The following ERCC6L2 variants were observed in gnomAD, a reference collection of about 807,000 sequenced individuals.
The protein encoded by ERCC6L2 is DNA excision repair protein ERCC-6-like 2.
In ERCC6L2, 77 loss-of-function variants were observed where a neutral mutation model predicts 132.0. The observed-to-expected ratio is 0.58, with a 90% confidence interval of 0.49 to 0.71. ERCC6L2 has a LOEUF of 0.71. Among genes scored for constraint, ERCC6L2 ranks in the 30% least tolerant of loss-of-function variants. ERCC6L2 has a pLI of 0.00. For synonymous variants in ERCC6L2, 583 were observed against 632.4 expected (o/e 0.92, Z 1.17); for missense variants, 1,542 against 1,837.6 (o/e 0.84, Z 2.94).
At chr9:95,946,356 G>A (rs1433482668) in intron 12 of ERCC6L2, among the ~76,000 whole-genome samples, 9 of 152,090 alleles carry the variant, frequency 5.9e-5, no homozygotes, top group African/African-American at 7.2e-5. Context: ...GTGAAACCCC[G>A]TCTCTAGTAA....
At chr9:95,894,273 A>T (rs1467664508) in intron 2 of ERCC6L2, among the ~76,000 whole-genome samples, 1 of 152,218 alleles carries the variant, frequency 6.6e-6, no homozygotes, top group Admixed American at 6.5e-5. Context: ...ATACCATTGT[A>T]AATTGAAAAA....
chr9:96,027,125 CCACACACAA>C (rs1834387386), intron 19 of ERCC6L2, among the ~76,000 whole-genome samples: 2 of 149,662 alleles, frequency 1.3e-5, no homozygotes, highest in African/African-American at 2.5e-5. Flanking sequence ...ACCACACACA[CCACACACAA>C]CACACTACAC....
intron 12 of ERCC6L2, among the ~76,000 whole-genome samples, chr9:95,941,878 GT>G (rs1219936195): frequency 3.9e-5 from 6 of 152,180 alleles, no homozygotes; most frequent in South Asian, 2.1e-4. Context: ...AGTAGAATCT[GT>G]GATCAGGGTA....
intron 12 of ERCC6L2, among the ~76,000 whole-genome samples, chr9:95,951,315 TAAGAGGGA>T (rs1831322485): frequency 6.6e-6 from 1 of 152,094 alleles, no homozygotes; most frequent in South Asian, 2.1e-4. Flanking sequence ...AAAGTAATGC[TAAGAGGGA>T]AATTTATAGC....
intron 19 of ERCC6L2, among the ~76,000 whole-genome samples, chr9:96,033,952 A>G (rs898689530): frequency 6.6e-6 from 1 of 152,222 alleles, no homozygotes; most frequent in African/African-American, 2.4e-5. Flanking sequence ...CTGCAAAAGA[A>G]GGGCCCGTTG....
Position 95,982,704 on chromosome 9 carries a change from AAT to A in ERCC6L2, c.3492+4492_3492+4493del, listed in dbSNP as rs1478435659. ...ATTTTAGTAGAAATCAAGATTTTAAAATATGTGTATATATATATATGAAATTA... is the reference window on the plus strand; with the variant it reads ...ATTTTAGTAGAAATCAAGATTTTAAAATGTGTATATATATATATGAAATTA... On this transcript the variant is annotated intron_variant, in intron 17 of 18. Coordinates refer to ENST00000653738, the MANE Select transcript of ERCC6L2 (RefSeq NM_020207.7). 4.7e-5 allele frequency among the ~76,000 whole-genome samples: 7 copies of A among 149,604 alleles called. No individual in the cohort carries two copies. In the Admixed American group the frequency reaches 4.7e-4, roughly 10 times the overall value.
intron 9 of ERCC6L2, among the ~76,000 whole-genome samples, chr9:95,925,353 G>C (rs963868425): frequency 6.6e-6 from 1 of 152,164 alleles, no homozygotes; most frequent in Non-Finnish European, 1.5e-5. Context: ...ATCCAGCTTG[G>C]TGCTGCTGAA....
intron 16 of ERCC6L2, among the ~76,000 whole-genome samples, chr9:95,974,132 A>G (rs1000250236): frequency 1.2e-4 from 19 of 152,074 alleles, no homozygotes; most frequent in African/African-American, 4.1e-4. Context: ...TAATACCTAT[A>G]CTTATTTATT....
At chr9:95,946,692 A>G (rs1255206545) in intron 12 of ERCC6L2, among the ~76,000 whole-genome samples, 1 of 152,166 alleles carries the variant, frequency 6.6e-6, no homozygotes, top group Non-Finnish European at 1.5e-5. Flanking sequence ...CCTTGTTTAC[A>G]AATTGAAGGT....
intron 12 of ERCC6L2, 133 bp downstream of exon 12, chr9:95,941,682 A>T (rs942657622): frequency 1.5e-6 from 1 of 660,864 alleles, no homozygotes. Context: ...TACATTTAAT[A>T]TAATCCTGAC....
At chr9:95,992,218 C>T (rs1312226073) in intron 17 of ERCC6L2, among the ~76,000 whole-genome samples, 2 of 152,086 alleles carry the variant, frequency 1.3e-5, no homozygotes, top group Admixed American at 6.5e-5. Context: ...TTAAAAAGTT[C>T]CTTATGTTAA....
chr9:95,922,408 C>T lies in ERCC6L2; in HGVS notation c.1403C>T (p.Ser468Phe). 6.3e-7 allele frequency: 1 copy of T among 1,599,966 alleles called. No homozygotes were observed. The highest frequency in any genetic ancestry group is 8.6e-7 in the Non-Finnish European group (1 of 1,167,900). The change falls in exon 8 of 19, where the codon TCC (serine) becomes TTC (phenylalanine). Residue 468 changes from serine (S) to phenylalanine (F), a missense_variant. Physicochemically the swap from Ser to Phe is radical, Grantham distance 155. Around this residue, in one of 4 missense-constraint regions of ERCC6L2, gnomAD observed 945 missense variants for 1,105.2 expected, o/e 0.86. Transcript: ENST00000653738. ...GCGCTACTGCAAGCTGCTAGTACTT[C>T]CAAACAACAGGTTTGGTTAGCATTT... ...HVALLQAAST[S>F]KQQETLIKRI...
chr9:95,930,599 C>G (rs1163528564), intron 11 of ERCC6L2, among the ~76,000 whole-genome samples: 1 of 152,144 alleles, frequency 6.6e-6, no homozygotes, highest in Non-Finnish European at 1.5e-5. Context: ...ACTACTCTCT[C>G]CCCGTTTTTT....
intron 12 of ERCC6L2, among the ~76,000 whole-genome samples, chr9:95,949,137 G>GA (rs950155168): frequency 1.3e-4 from 20 of 152,182 alleles, no homozygotes; most frequent in African/African-American, 4.6e-4. Context: ...AAAATAGGGA[G>GA]AAAAAATCTG....
At chr9:95,982,584 T>TA (rs1428363075) in intron 17 of ERCC6L2, among the ~76,000 whole-genome samples, 2 of 152,132 alleles carry the variant, frequency 1.3e-5, no homozygotes, top group Non-Finnish European at 2.9e-5. Context: ...ATGTAACTCT[T>TA]ACTGGGTGGG....
At chr9:95,935,719 G>C (rs1830524828) in intron 11 of ERCC6L2, among the ~76,000 whole-genome samples, 1 of 152,136 alleles carries the variant, frequency 6.6e-6, no homozygotes, top group South Asian at 2.1e-4. Flanking sequence ...TATCAAGAAT[G>C]ACTGGTGTGA....
chr9:96,004,107 CAT>C (rs1178204707), intron 17 of ERCC6L2, among the ~76,000 whole-genome samples: 2 of 152,180 alleles, frequency 1.3e-5, no homozygotes, highest in Admixed American at 6.5e-5. Flanking sequence ...GTATTTTTTA[CAT>C]GTCTCCATTA....
At chr9:96,027,282 G>A (rs555663819) in intron 19 of ERCC6L2, among the ~76,000 whole-genome samples, 3 of 152,116 alleles carry the variant, frequency 2.0e-5, no homozygotes, top group Middle Eastern at 3.2e-3. Flanking sequence ...TCTAGTTCCC[G>A]GCAAAGCAGG....
At chr9:95,965,108 T>C (rs935354743) in intron 13 of ERCC6L2, among the ~76,000 whole-genome samples, 3 of 152,190 alleles carry the variant, frequency 2.0e-5, no homozygotes, top group African/African-American at 7.2e-5. Flanking sequence ...ATTGATCAAG[T>C]TGGTATGTTG....
Sources: allele counts gnomAD v4.1 joint callset (sites outside exome capture counted in the v4.1 genomes callset), GRCh38; gene constraint gnomAD v4.1.1; regional missense constraint gnomAD v4.1.1; transcripts MANE v1.5; gene names NCBI Gene and HGNC (gene_info 2026-07-23, HGNC 2026-07-21).